Variants in FRMD4A observed in about 807,000 individuals in gnomAD.
FRMD4A encodes the protein FERM domain containing 4A.
In FRMD4A, 29 loss-of-function variants were observed where a neutral mutation model predicts 129.1. The ratio of observed to expected loss-of-function variants is 0.22; its 90% CI spans 0.17 to 0.31. The LOEUF (loss-of-function observed/expected upper bound fraction) is 0.31. Ranked by LOEUF, FRMD4A falls within the 10% of genes least tolerant of loss-of-function variation. The pLI is 1.00. For missense variants in FRMD4A, 1,272 were observed against 1,375.8 expected, an observed-to-expected ratio of 0.92 and a Z score of 1.19; for synonymous variants, 634 against 571.6, an observed-to-expected ratio of 1.11 and a Z score of -1.56.
chr10:13,658,775 G>T (rs2082390069), intron 21 of FRMD4A, among the ~76,000 whole-genome samples: 1 of 151,834 alleles, frequency 6.6e-6, no homozygotes, highest in African/African-American at 2.4e-5. Flanking sequence ...CCACCTACTT[G>T]GGAGGCTGAG....
intron 4 of FRMD4A, among the ~76,000 whole-genome samples, chr10:13,799,357 C>T (rs1010550550): frequency 3.9e-5 from 6 of 152,180 alleles, no homozygotes; most frequent in African/African-American, 9.6e-5. Flanking sequence ...AGGGTTTCAC[C>T]GTGTTGCCCA....
At chr10:14,261,937 ACCAAAC>A (rs1844814869) in intron 2 of FRMD4A, among the ~76,000 whole-genome samples, 1 of 117,246 alleles carries the variant, frequency 8.5e-6, no homozygotes. Context: ...TTCTCACCAC[ACCAAAC>A]ACACACACAC....
intron 16 of FRMD4A, among the ~76,000 whole-genome samples, chr10:13,674,166 G>A (rs2083765835): frequency 6.6e-6 from 1 of 152,206 alleles, no homozygotes; most frequent in African/African-American, 2.4e-5. Context: ...TATATACCAA[G>A]TGAGATCGTG....
chr10:14,061,141 T>C (rs1056924830), intron 2 of FRMD4A, among the ~76,000 whole-genome samples: 3 of 152,118 alleles, frequency 2.0e-5, no homozygotes, highest in Admixed American at 2.0e-4. Flanking sequence ...TGGCTATAAA[T>C]ATGCAATATT....
intron 2 of FRMD4A, among the ~76,000 whole-genome samples, chr10:14,264,889 C>T (rs951930476): frequency 6.6e-6 from 1 of 152,184 alleles, no homozygotes; most frequent in Non-Finnish European, 1.5e-5. Context: ...TCCAGCGACT[C>T]TCCTGCTTCA....
intron 12 of FRMD4A, among the ~76,000 whole-genome samples, chr10:13,718,448 G>T (rs1326713627): frequency 1.3e-5 from 2 of 152,248 alleles, no homozygotes; most frequent in Non-Finnish European, 2.9e-5. Context: ...ACATGCAGGG[G>T]GCTGCGGCTG....
intron 15 of FRMD4A, chr10:13,684,418 T>C: frequency 3.0e-6 from 3 of 985,054 alleles, no homozygotes; most frequent in Non-Finnish European, 3.6e-6. Context: ...ACACTGCCTG[T>C]GTCACTGTGG....
chr10:13,985,761 G>C (rs565388519), intron 2 of FRMD4A, among the ~76,000 whole-genome samples: 12 of 152,340 alleles, frequency 7.9e-5, no homozygotes, highest in Admixed American at 2.0e-4. Flanking sequence ...AGGGCCCCTG[G>C]CCCATCCTAA....
At chr10:14,162,575 G>T (rs1420263223) in intron 2 of FRMD4A, among the ~76,000 whole-genome samples, 1 of 151,652 alleles carries the variant, frequency 6.6e-6, no homozygotes, top group Admixed American at 6.6e-5. Flanking sequence ...CGGTTAACTT[G>T]GTCCTGTACC....
At chr10:14,271,483 A>C (rs951050277) in intron 2 of FRMD4A, among the ~76,000 whole-genome samples, 9 of 152,224 alleles carry the variant, frequency 5.9e-5, no homozygotes, top group Admixed American at 2.6e-4. Flanking sequence ...GTGGGAAAAC[A>C]GGAGGACCTG....
chr10:14,020,462 C>T (rs1304084203), intron 2 of FRMD4A, among the ~76,000 whole-genome samples: 5 of 152,154 alleles, frequency 3.3e-5, no homozygotes, highest in Admixed American at 6.5e-5. Context: ...GGCTAATGGG[C>T]TTCTGATGCA....
At chr10:14,241,718 AAAAG>A (rs1844054547) in intron 2 of FRMD4A, among the ~76,000 whole-genome samples, 4 of 118,818 alleles carry the variant, frequency 3.4e-5, no homozygotes, top group Non-Finnish European at 7.4e-5. Flanking sequence ...AAAAAAAAAA[AAAAG>A]AGCCAACTGA....
intron 2 of FRMD4A, among the ~76,000 whole-genome samples, chr10:13,917,321 C>T (rs1413733877): frequency 7.3e-6 from 1 of 136,654 alleles, no homozygotes; most frequent in African/African-American, 2.8e-5. Context: ...CTCGCTTTGT[C>T]GCCCAGTCTG....
At chr10:14,224,551 G>C (rs1334691937) in intron 2 of FRMD4A, among the ~76,000 whole-genome samples, 1 of 152,180 alleles carries the variant, frequency 6.6e-6, no homozygotes, top group Non-Finnish European at 1.5e-5. Context: ...AGTCAAAATT[G>C]TTTGCACTTT....
intron 2 of FRMD4A, among the ~76,000 whole-genome samples, chr10:14,132,008 C>T (rs1402898946): frequency 6.6e-6 from 1 of 152,186 alleles, no homozygotes. Context: ...AAAATTCAAA[C>T]ATAAGGCCAG....
At chr10:13,925,566 CTT>C (rs66980805) in intron 2 of FRMD4A, among the ~76,000 whole-genome samples, 1 of 61,946 alleles carries the variant, frequency 1.6e-5, no homozygotes, top group African/African-American at 7.1e-5. Flanking sequence ...TAGTGAAACG[CTT>C]TTTTTTTTTT....
intron 15 of FRMD4A, among the ~76,000 whole-genome samples, chr10:13,680,056 G>A (rs1402365237): frequency 1.3e-5 from 2 of 152,206 alleles, no homozygotes; most frequent in East Asian, 3.8e-4. Context: ...GAAATCAAGA[G>A]GTGGAGGTTC....
chr10:13,816,701 G>A (rs1367124921), intron 3 of FRMD4A, among the ~76,000 whole-genome samples: 2 of 152,236 alleles, frequency 1.3e-5, no homozygotes, highest in African/African-American at 4.8e-5. Flanking sequence ...GTGCTTTGAA[G>A]GGATGTTTAC....
intron 2 of FRMD4A, among the ~76,000 whole-genome samples, chr10:13,882,950 C>T (rs2094564409): frequency 6.6e-6 from 1 of 151,996 alleles, no homozygotes; most frequent in South Asian, 2.1e-4. Flanking sequence ...ACTACTGGTG[C>T]ATGCCACCAC....
Sources: gnomAD v4.1 joint callset for allele counts (sites outside exome capture counted in the v4.1 genomes callset) on GRCh38, gnomAD v4.1.1 for gene constraint, MANE v1.5 for transcripts, NCBI Gene and HGNC (gene_info 2026-07-23, HGNC 2026-07-21) for gene names.